The following MTMR12 variants were observed in gnomAD, a reference collection of about 807,000 sequenced individuals.
MTMR12 encodes the protein myotubularin related protein 12.
MTMR12 carries 33 observed loss-of-function variants against 96.7 expected under a neutral mutation model. That is an observed-to-expected ratio of 0.34 (90% CI 0.26 to 0.46). The LOEUF (loss-of-function observed/expected upper bound fraction) is 0.46, where lower values mean the gene tolerates loss of function less well. Ranked by LOEUF, MTMR12 falls within the 20% of genes least tolerant of loss-of-function variation. The pLI, the probability that MTMR12 is intolerant of heterozygous loss-of-function variation, is 1.00. For synonymous variants in MTMR12, 298 were observed against 327.2 expected, an observed-to-expected ratio of 0.91 and a Z score of 0.96; for missense variants, 721 against 896.1, an observed-to-expected ratio of 0.80 and a Z score of 2.49.
intron 2 of MTMR12, among the ~76,000 whole-genome samples, chr5:32,274,802 T>C (rs1032835625): frequency 5.9e-5 from 9 of 152,138 alleles, no homozygotes; most frequent in Non-Finnish European, 1.0e-4. Context: ...TCCTCCTCCA[T>C]CTGCAGCACC....
chr5:32,308,071 C>T (rs767694557), intron 1 of MTMR12, among the ~76,000 whole-genome samples: 11 of 152,224 alleles, frequency 7.2e-5, no homozygotes, highest in Non-Finnish European at 1.3e-4. Flanking sequence ...CGCCTGTAAT[C>T]CCAGCACTTT....
intron 10 of MTMR12, among the ~76,000 whole-genome samples, chr5:32,244,525 A>G (rs1332283708): frequency 6.6e-6 from 1 of 152,188 alleles, no homozygotes; most frequent in African/African-American, 2.4e-5. Context: ...AGGGTGGCGG[A>G]GGTTACAGTG....
chr5:32,284,493 A>G (rs1189574398), intron 1 of MTMR12, among the ~76,000 whole-genome samples: 1 of 152,182 alleles, frequency 6.6e-6, no homozygotes, highest in Non-Finnish European at 1.5e-5. Context: ...AGAGCAGTAG[A>G]TAGGCCCAGC....
At chr5:32,279,938 G>A (rs1265689353) in intron 1 of MTMR12, among the ~76,000 whole-genome samples, 2 of 152,326 alleles carry the variant, frequency 1.3e-5, no homozygotes, top group East Asian at 3.9e-4. Flanking sequence ...TTCAACTCCT[G>A]CAGTGCTGGC....
At chr5:32,271,063 A>C (rs1749813768) in intron 4 of MTMR12, 116 bp from the exon 5 acceptor site, 1 of 1,239,458 alleles carries the variant, frequency 8.1e-7, no homozygotes, top group South Asian at 1.6e-5. Flanking sequence ...ATGAGAGGAA[A>C]GGTGCTGCCT....
intron 8 of MTMR12, among the ~76,000 whole-genome samples, chr5:32,252,193 T>C (rs1245306276): frequency 2.6e-5 from 4 of 152,178 alleles, no homozygotes; most frequent in South Asian, 2.1e-4. Flanking sequence ...TGACCAATTA[T>C]ACAGGTCTTC....
At chr5:32,244,996 T>C (rs1748624032) in intron 10 of MTMR12, among the ~76,000 whole-genome samples, 1 of 151,882 alleles carries the variant, frequency 6.6e-6, no homozygotes, top group Non-Finnish European at 1.5e-5. Context: ...TTTACATTAT[T>C]AACTGAAAAA....
intron 1 of MTMR12, among the ~76,000 whole-genome samples, chr5:32,284,638 G>A (rs1750449772): frequency 6.6e-6 from 1 of 152,164 alleles, no homozygotes; most frequent in South Asian, 2.1e-4. Flanking sequence ...TTGCCCTTAA[G>A]CCTCTGCGCC....
chr5:32,249,730 C>CT (rs1748841914), intron 8 of MTMR12, among the ~76,000 whole-genome samples: 1 of 152,116 alleles, frequency 6.6e-6, no homozygotes, highest in Non-Finnish European at 1.5e-5. Flanking sequence ...GGTGTTCAGG[C>CT]TTTTTTCAGG....
intron 8 of MTMR12, among the ~76,000 whole-genome samples, chr5:32,254,423 A>G (rs1044005754): frequency 1.3e-5 from 2 of 152,218 alleles, no homozygotes; most frequent in Non-Finnish European, 2.9e-5. Flanking sequence ...GAAAATAAAA[A>G]GTTTCCCTTC....
At chr5:32,299,471 T>A (rs1467453841) in intron 1 of MTMR12, among the ~76,000 whole-genome samples, 1 of 152,226 alleles carries the variant, frequency 6.6e-6, no homozygotes, top group Non-Finnish European at 1.5e-5. Flanking sequence ...AGCTAACGGA[T>A]GTGACTGACA....
intron 1 of MTMR12, among the ~76,000 whole-genome samples, chr5:32,311,677 C>T (rs1383689831): frequency 1.3e-5 from 2 of 152,206 alleles, no homozygotes; most frequent in Non-Finnish European, 2.9e-5. Context: ...TGAGCAAGGC[C>T]TACAAGTTCT....
At chr5:32,305,489 T>C (rs1022688642) in intron 1 of MTMR12, among the ~76,000 whole-genome samples, 1 of 152,192 alleles carries the variant, frequency 6.6e-6, no homozygotes, top group African/African-American at 2.4e-5. Flanking sequence ...GACAAGCCAA[T>C]CTCTTCTTGT....
Position 32,272,056 on chromosome 5 carries a change from C to T in MTMR12, c.286-151G>A, listed in dbSNP as rs1009841994. ...CCTGTAATCCCAGCACTTTGGGAGGCCGACGCGGGCGGATCACGAGGTCAG... is the reference window on the plus strand; with the variant it reads ...CCTGTAATCCCAGCACTTTGGGAGGTCGACGCGGGCGGATCACGAGGTCAG... On this transcript the variant is annotated intron_variant, in intron 3 of 15. Transcript: ENST00000382142. 7 of 418,882 alleles carry T rather than the reference C, an allele frequency of 1.7e-5. No homozygotes were observed. The South Asian group carries it at 3.4e-4, about 20-fold the overall frequency. 25.9% of individuals were successfully genotyped at this position (418,882 alleles called of 1,614,324 possible).
At chr5:32,243,741 G>T (rs1307596869) in intron 10 of MTMR12, 142 bp from the exon 11 acceptor site, 1 of 579,614 alleles carries the variant, frequency 1.7e-6, no homozygotes, top group East Asian at 2.9e-5. Flanking sequence ...ACTCTATTTT[G>T]AGTAAGGGTC....
At chr5:32,248,221 G>A (rs1366086723) in intron 9 of MTMR12, 95 bp from the exon 10 acceptor site, 2 of 1,353,930 alleles carry the variant, frequency 1.5e-6, no homozygotes, top group Non-Finnish European at 2.0e-6. Flanking sequence ...GGGCTCAGTA[G>A]GCATTCTCCC....
intron 12 of MTMR12, among the ~76,000 whole-genome samples, chr5:32,240,361 T>C (rs1748418454): frequency 6.8e-6 from 1 of 148,116 alleles, no homozygotes; most frequent in Admixed American, 6.8e-5. Context: ...ATCGCACCAT[T>C]GCACTCCAGC....
intron 1 of MTMR12, among the ~76,000 whole-genome samples, chr5:32,305,198 C>T (rs1444859666): frequency 6.6e-6 from 1 of 152,132 alleles, no homozygotes; most frequent in Admixed American, 6.6e-5. Context: ...AAGAGATTCT[C>T]CTGCCTCAGC....
intron 1 of MTMR12, among the ~76,000 whole-genome samples, chr5:32,292,228 A>G (rs1443975402): frequency 1.3e-5 from 2 of 152,184 alleles, no homozygotes; most frequent in Non-Finnish European, 2.9e-5. Flanking sequence ...AAGGCCATGT[A>G]TGCTCTGAAT....
Sources: gnomAD v4.1 joint callset for allele counts (sites outside exome capture counted in the v4.1 genomes callset) on GRCh38, gnomAD v4.1.1 for gene constraint, MANE v1.5 for transcripts, NCBI Gene and HGNC (gene_info 2026-07-23, HGNC 2026-07-21) for gene names.